The following FEZF2 variants were observed in gnomAD, a reference collection of about 807,000 sequenced individuals.
FEZF2 encodes the protein FEZ family zinc finger 2, also known as fez family zinc finger protein 2.
FEZF2 carries 2 observed loss-of-function variants against 32.8 expected under a neutral mutation model. The ratio of observed to expected loss-of-function variants is 0.06; its 90% CI spans 0.02 to 0.19. The LOEUF is 0.19. Ranked by LOEUF, FEZF2 falls within the 10% of genes least tolerant of loss-of-function variation. The probability of loss-of-function intolerance (pLI) is 1.00; values close to 1 mark genes in which losing one functional copy is unlikely to be tolerated. For missense variants in FEZF2, 516 were observed against 625.4 expected (o/e 0.83, Z 1.87); for synonymous variants, 322 against 284.8 (o/e 1.13, Z -1.32).
In FEZF2 at chr3:62,373,213, G is replaced by A. The variant is rs979006523; in HGVS notation, c.-59+66C>T. On this transcript the variant is annotated intron_variant, in intron 1 of 4. Coordinates refer to ENST00000283268, the MANE Select transcript of FEZF2 (RefSeq NM_018008.4). This position sits in a 1 kb window ranked among gnomAD's most constrained non-coding sequence, Gnocchi z 5.5. ...TTCCCTGGACCCGGGCCTCTGCCAC[G>A]CGTGCTGGGAGCTGGACAGTGAAGG... 1.2e-5 allele frequency: 3 copies of A among 251,728 alleles called. No homozygotes were observed. The highest frequency in any genetic ancestry group is 2.3e-5 in the Non-Finnish European group (3 of 132,934). The allele number at this position is 251,728 out of a possible 1,614,324, so 15.6% of individuals were successfully genotyped here.
At position 62,373,141 on chromosome 3, in the gene FEZF2, G is replaced by C. The variant is rs1049950605; in HGVS notation, c.-59+138C>G. On this transcript the variant is annotated intron_variant, in intron 1 of 4. Coordinates refer to ENST00000283268, the MANE Select transcript of FEZF2 (RefSeq NM_018008.4). This position sits in a 1 kb window ranked among gnomAD's most constrained non-coding sequence, Gnocchi z 5.5. Reference sequence around the variant, plus strand: ...AAGGGGGAGGGTTTACAAAAGAAAAGGGGGGGGGCGGTGAGAAAAGAGTCT... The same window carrying C: ...AAGGGGGAGGGTTTACAAAAGAAAACGGGGGGGGCGGTGAGAAAAGAGTCT... The C allele has an allele frequency of 7.0e-6, 2 of 286,674 alleles. No individual in the cohort carries two copies. The highest frequency in any genetic ancestry group is 1.3e-5 in the Non-Finnish European group (2 of 159,130). The allele number at this position is 286,674 out of a possible 1,614,324, so 17.8% of individuals were successfully genotyped here.
Position 62,372,731 on chromosome 3 carries a change from A to C in FEZF2, c.138T>G (p.Phe46Leu), listed in dbSNP as rs937803906. Residue 46 changes from phenylalanine (F) to leucine (L), a missense_variant, in exon 2 of 5, where the codon TTT becomes TTG. Phe to Leu is a conservative substitution (Grantham distance 22). This residue lies in a region of FEZF2 where 408 missense variants were observed against 382.2 expected (regional missense o/e 1.07). Coordinates refer to ENST00000283268, the MANE Select transcript of FEZF2 (RefSeq NM_018008.4). The surrounding 1 kb of genome is among the most constrained non-coding windows in gnomAD (Gnocchi z 9.6). ...CCTCTAGCGCTCCAGGCCGGGGCTC[A>C]AAGGGCGCACGGGGCTCCGACGTCT... ...MAKTSEPRAP[F>L]EPRPGALEAD... 3 of 1,608,978 alleles carry C rather than the reference A, an allele frequency of 1.9e-6. No homozygotes were observed. In the African/African-American group the frequency reaches 4.0e-5, roughly 22 times the overall value.
intron 3 of FEZF2, 91 bp downstream of exon 3, chr3:62,371,442 A>G: frequency 6.3e-7 from 1 of 1,579,216 alleles, no homozygotes; most frequent in Non-Finnish European, 8.6e-7. Context: ...CCTAGAGGGT[A>G]AGGGATAATC....
Position 62,372,941 on chromosome 3 carries a change from A to G in FEZF2, c.-58-15T>C. 1 of 1,307,384 alleles carries G rather than the reference A, an allele frequency of 7.6e-7. No individual in the cohort carries two copies. The highest frequency in any genetic ancestry group is 2.0e-5 in the South Asian group (1 of 50,760). 81.0% of individuals were successfully genotyped at this position (1,307,384 alleles called of 1,614,324 possible). A position where few individuals can be genotyped will look rare whatever the true frequency, so the allele number is the denominator to read the frequency against. On this transcript the variant is annotated splice_polypyrimidine_tract_variant and intron_variant, in intron 1 of 4. Coordinates refer to ENST00000283268, the MANE Select transcript of FEZF2 (RefSeq NM_018008.4). This position sits in a 1 kb window ranked among gnomAD's most constrained non-coding sequence, Gnocchi z 9.6. ...CTCCTCTAAGTCTGCATTCCGGAAA[A>G]GGCAGGGGGGAAAACTGCAATTTAA...
In FEZF2 at chr3:62,371,799, G is replaced by C. The variant is rs1236944803; in HGVS notation, c.853-132C>G. ...CAGAGCCTTTTTCAGTTTGTAAAGT[G>C]CTGCCCAAACTCCTGCTTACACCAA... On this transcript the variant is annotated intron_variant, in intron 2 of 4. Transcript: ENST00000283268. The C allele has an allele frequency of 2.1e-6, 3 of 1,434,360 alleles. No homozygotes were observed. In the African/African-American group the frequency reaches 4.3e-5, roughly 21 times the overall value. The allele number at this position is 1,434,360 out of a possible 1,614,324, so 88.9% of individuals were successfully genotyped here. A position where few individuals can be genotyped will look rare whatever the true frequency, so the allele number is the denominator to read the frequency against.
chr3:62,373,106 A>C lies in FEZF2; in HGVS notation c.-59+173T>G. 1.1e-5 allele frequency: 3 copies of C among 268,972 alleles called. No homozygotes were observed. The highest frequency in any genetic ancestry group is 1.1e-4 in the East Asian group (2 of 17,782). 16.7% of individuals were successfully genotyped at this position (268,972 alleles called of 1,614,324 possible). On this transcript the variant is annotated intron_variant, in intron 1 of 4. Coordinates refer to ENST00000283268, the MANE Select transcript of FEZF2 (RefSeq NM_018008.4). The surrounding 1 kb of genome is among the most constrained non-coding windows in gnomAD (Gnocchi z 5.5). ...ACCAGCCCCTGCCCTGGGACTTTGAAAGGGGGAAGAAGGGGGAGGGTTTAC... is the reference window on the plus strand; with the variant it reads ...ACCAGCCCCTGCCCTGGGACTTTGACAGGGGGAAGAAGGGGGAGGGTTTAC...
At position 62,370,544 on chromosome 3, in the gene FEZF2, C is replaced by G. The variant is rs1007838788; in HGVS notation, c.1121-202G>C. Among the ~76,000 whole-genome samples, 2 of 152,218 alleles carry G rather than the reference C, an allele frequency of 1.3e-5. No individual in the cohort carries two copies. Among genetic ancestry groups the G allele is most frequent in the Admixed American group, 1.3e-4 (2 of 15,284 alleles). ...TCTCCCGACAAGACCGAGACTGAGTCCCGCGGAGCCGCTCTGCGCTCCTGC... is the reference window on the plus strand; with the variant it reads ...TCTCCCGACAAGACCGAGACTGAGTGCCGCGGAGCCGCTCTGCGCTCCTGC... On this transcript the variant is annotated intron_variant, in intron 4 of 4. Coordinates refer to ENST00000283268, the MANE Select transcript of FEZF2 (RefSeq NM_018008.4). This position sits in a 1 kb window ranked among gnomAD's most constrained non-coding sequence, Gnocchi z 4.2.
In FEZF2 at chr3:62,372,596, G is replaced by A. The variant is rs1704290541; in HGVS notation, c.273C>T (p.Tyr91=). 3.4e-6 allele frequency: 5 copies of A among 1,455,916 alleles called. No individual in the cohort carries two copies. Among genetic ancestry groups the A allele is most frequent in the Non-Finnish European group, 4.6e-6 (5 of 1,097,978 alleles). 90.2% of individuals were successfully genotyped at this position (1,455,916 alleles called of 1,614,324 possible). A position where few individuals can be genotyped will look rare whatever the true frequency, so the allele number is the denominator to read the frequency against. Residue 91 remains tyrosine, a synonymous_variant, in exon 2 of 5, where the codon TAC becomes TAT. Coordinates refer to ENST00000283268, the MANE Select transcript of FEZF2 (RefSeq NM_018008.4). This position sits in a 1 kb window ranked among gnomAD's most constrained non-coding sequence, Gnocchi z 9.6. ...GGAGGCTGCTTTTCCAGAGCTCCGA[G>A]TAACTGAGCAGTGTCTTTGACGGCA... The part of the protein sequence containing the change: ...YEVPSKTLLS[Y]SELWKSSLRA...
chr3:62,369,766 G>T lies in FEZF2; in HGVS notation c.*317C>A. 6.5e-6 allele frequency: 2 copies of T among 308,660 alleles called. No homozygotes were observed. Among genetic ancestry groups the T allele is most frequent in the Middle Eastern group, 1.0e-3 (1 of 966 alleles). 19.1% of individuals were successfully genotyped at this position (308,660 alleles called of 1,614,324 possible). On this transcript the variant is annotated 3_prime_UTR_variant, in exon 5 of 5. Transcript: ENST00000283268. The surrounding 1 kb of genome is among the most constrained non-coding windows in gnomAD (Gnocchi z 4.2). ...TGGCTGTATAAAGATGGCTAGGGGC[G>T]CCGCGCTCTTCTGGGGCGCTCACGG...
rs796910237 is a variant in FEZF2 at position 62,372,992 on chromosome 3, C to T, written c.-58-66G>A. On this transcript the variant is annotated intron_variant, in intron 1 of 4. Transcript: ENST00000283268. The surrounding 1 kb of genome is among the most constrained non-coding windows in gnomAD (Gnocchi z 9.6). ...TAAGCACCTAGTCGGGCCCGGGTCA[C>T]CCATTTGCATTCAAATGAACAGGGG... 2.2e-5 allele frequency: 21 copies of T among 966,890 alleles called. No homozygotes were observed. The African/African-American group carries it at 2.7e-4, about 13-fold the overall frequency. 59.9% of individuals were successfully genotyped at this position (966,890 alleles called of 1,614,324 possible). A position where few individuals can be genotyped will look rare whatever the true frequency, so the allele number is the denominator to read the frequency against.
Position 62,370,436 on chromosome 3 carries a change from C to G in FEZF2, c.1121-94G>C, listed in dbSNP as rs1704252595. The stretch of plus-strand genomic sequence containing the variant: ...CCCAGGGGCAGCCCAGGTGCCTGCT[C>G]AAAAAAGGCGACGCTTGGCTAGGCG... On this transcript the variant is annotated intron_variant, in intron 4 of 4. Coordinates refer to ENST00000283268, the MANE Select transcript of FEZF2 (RefSeq NM_018008.4). The surrounding 1 kb of genome is among the most constrained non-coding windows in gnomAD (Gnocchi z 4.2). 1 of 1,365,020 alleles carries G rather than the reference C, an allele frequency of 7.3e-7. No homozygotes were observed. Among genetic ancestry groups the G allele is most frequent in the African/African-American group, 1.5e-5 (1 of 68,430 alleles). 84.6% of individuals were successfully genotyped at this position (1,365,020 alleles called of 1,614,324 possible).
chr3:62,371,703 G>A lies in FEZF2; in HGVS notation c.853-36C>T, dbSNP rs368145354. ...ACATGGGGGGCCTTGTGGTGCGTCT[G>A]TCCGAGGGCCTACAATCAGCCCCGG... is the stretch of plus-strand genomic sequence containing the variant. On this transcript the variant is annotated intron_variant, in intron 2 of 4. Coordinates refer to ENST00000283268, the MANE Select transcript of FEZF2 (RefSeq NM_018008.4). 23 of 1,583,274 alleles carry A rather than the reference G, an allele frequency of 1.5e-5. No homozygotes were observed. The African/African-American group carries it at 2.3e-4, about 16-fold the overall frequency.
chr3:62,371,398 C>G (rs1212463046), intron 3 of FEZF2, 49 bp from the exon 4 acceptor site: 2 of 1,595,854 alleles, frequency 1.3e-6, no homozygotes, highest in Non-Finnish European at 1.7e-6. Flanking sequence ...CTCGGGAACA[C>G]CTGGAAGGGA....
At position 62,369,956 on chromosome 3, in the gene FEZF2, G is replaced by A. The variant is rs576516397; in HGVS notation, c.*127C>T. 19 of 1,202,296 alleles carry A rather than the reference G, an allele frequency of 1.6e-5. No homozygotes were observed. In the East Asian group the frequency reaches 4.7e-4, roughly 29 times the overall value. 74.5% of individuals were successfully genotyped at this position (1,202,296 alleles called of 1,614,324 possible). ...ACATTTAGCTTTCCAAAAATATGCT[G>A]GTTTCGATAAATAGATTTTAGCCTC... On this transcript the variant is annotated 3_prime_UTR_variant, in exon 5 of 5. Transcript: ENST00000283268. This position sits in a 1 kb window ranked among gnomAD's most constrained non-coding sequence, Gnocchi z 4.2.
chr3:62,372,647 G>A lies in FEZF2; in HGVS notation c.222C>T (p.Ile74=). The A allele has an allele frequency of 6.3e-7, 1 of 1,594,884 alleles. No homozygotes were observed. The highest frequency in any genetic ancestry group is 1.1e-5 in the South Asian group (1 of 88,854). Residue 74 remains isoleucine, a synonymous_variant, in exon 2 of 5, where the codon ATC becomes ATT. Coordinates refer to ENST00000283268, the MANE Select transcript of FEZF2 (RefSeq NM_018008.4). The surrounding 1 kb of genome is among the most constrained non-coding windows in gnomAD (Gnocchi z 9.6). Reference sequence around the variant, plus strand: ...CCTCGTAGCCTAGGGGCTGGAGGGGGATCATACAGGGCAGCGGCGAGCAGA... The same window carrying A: ...CCTCGTAGCCTAGGGGCTGGAGGGGAATCATACAGGGCAGCGGCGAGCAGA... ...LNLCSPLPCM[I]PLQPLGYEVP... is the part of the protein sequence containing the mutation.
chr3:62,371,908 A>G (rs766242601), intron 2 of FEZF2, 109 bp downstream of exon 2: 167 of 1,463,346 alleles, frequency 1.1e-4, no homozygotes, highest in Admixed American at 2.8e-4. Context: ...TGGGTAGTCA[A>G]CTACTGGGGA....
Position 62,372,987 on chromosome 3 carries a change from G to A in FEZF2, c.-58-61C>T. The A allele has an allele frequency of 9.7e-7, 1 of 1,025,976 alleles. No individual in the cohort carries two copies. The highest frequency in any genetic ancestry group is 1.7e-5 in the African/African-American group (1 of 59,764). 63.6% of individuals were successfully genotyped at this position (1,025,976 alleles called of 1,614,324 possible). A position where few individuals can be genotyped will look rare whatever the true frequency, so the allele number is the denominator to read the frequency against. ...TTTAATAAGCACCTAGTCGGGCCCG[G>A]GTCACCCATTTGCATTCAAATGAAC... is the stretch of plus-strand genomic sequence containing the variant. On this transcript the variant is annotated intron_variant, in intron 1 of 4. Coordinates refer to ENST00000283268, the MANE Select transcript of FEZF2 (RefSeq NM_018008.4). The surrounding 1 kb of genome is among the most constrained non-coding windows in gnomAD (Gnocchi z 9.6).
At position 62,372,504 on chromosome 3, in the gene FEZF2, CCG is replaced by C; in HGVS notation, c.363_364del (p.Cys121TrpfsTer63). On this transcript the variant is annotated frameshift_variant, in exon 2 of 5. Transcript: ENST00000283268. LOFTEE classifies it high-confidence loss of function. This position sits in a 1 kb window ranked among gnomAD's most constrained non-coding sequence, Gnocchi z 9.6. ...GTTGGTTTTGCACAAGCCGCTGGCG[CCG>C]CACACTGGGGCCCCCCCGCCGCCGC... 7.1e-7 allele frequency: 1 copy of C among 1,406,372 alleles called. No individual in the cohort carries two copies. 87.1% of individuals were successfully genotyped at this position (1,406,372 alleles called of 1,614,324 possible). A position where few individuals can be genotyped will look rare whatever the true frequency, so the allele number is the denominator to read the frequency against.
In FEZF2 at chr3:62,372,891, C is replaced by A. The variant is rs372640039; in HGVS notation, c.-23G>T. 9,228 of 1,375,970 alleles carry A rather than the reference C, an allele frequency of 6.7e-3. 108 individuals carry two copies. Among genetic ancestry groups the A allele is most frequent in the South Asian group, 0.038 (2,327 of 60,450 alleles). 85.2% of individuals were successfully genotyped at this position (1,375,970 alleles called of 1,614,324 possible). A position where few individuals can be genotyped will look rare whatever the true frequency, so the allele number is the denominator to read the frequency against. On this transcript the variant is annotated 5_prime_UTR_variant, in exon 2 of 5. Transcript: ENST00000283268. This position sits in a 1 kb window ranked among gnomAD's most constrained non-coding sequence, Gnocchi z 9.6. ...CATGGCGCGCGGAGCTGAGCCGAGC[C>A]AGGCTGGGCCAGGGCGCAGCCTCTC...
Sources: allele counts gnomAD v4.1 joint callset (sites outside exome capture counted in the v4.1 genomes callset), GRCh38; gene constraint gnomAD v4.1.1; regional missense constraint gnomAD v4.1.1; non-coding constraint Gnocchi (gnomAD v3.1); transcripts MANE v1.5; gene names NCBI Gene and HGNC (gene_info 2026-07-23, HGNC 2026-07-21).